The following TRPC4 variants were observed in gnomAD, a reference collection of about 807,000 sequenced individuals.
TRPC4 encodes short transient receptor potential channel 4.
In TRPC4, 49 loss-of-function variants were observed where a neutral mutation model predicts 99.4. The observed-to-expected ratio is 0.49, with a 90% CI of 0.39 to 0.63. TRPC4 has a LOEUF of 0.63. Among genes scored for constraint, TRPC4 ranks in the 20% least tolerant of loss-of-function variants. The pLI, the probability that TRPC4 is intolerant of heterozygous loss-of-function variation, is 0.00. For synonymous variants in TRPC4, 454 were observed against 425.9 expected, an observed-to-expected ratio of 1.07 and a Z score of -0.81; for missense variants, 898 against 1,152.9, an observed-to-expected ratio of 0.78 and a Z score of 3.20.
chr13:37,679,967 C>T (rs114245998), intron 4 of TRPC4, among the ~76,000 whole-genome samples: 389 of 152,228 alleles, frequency 2.6e-3, no homozygotes, highest in African/African-American at 9.1e-3. Context: ...GCTACAGACG[C>T]AGAATTCAAT....
At chr13:37,801,082 A>G (rs1023701444) in intron 1 of TRPC4, among the ~76,000 whole-genome samples, 2 of 152,164 alleles carry the variant, frequency 1.3e-5, no homozygotes, top group African/African-American at 4.8e-5. Context: ...ATGAATATTT[A>G]TCAAAGCATG....
At chr13:37,784,508 T>C (rs1956922931) in intron 1 of TRPC4, among the ~76,000 whole-genome samples, 1 of 152,096 alleles carries the variant, frequency 6.6e-6, no homozygotes, top group South Asian at 2.1e-4. Context: ...TTAGTTCCTC[T>C]TGCATACTTA....
At chr13:37,644,608 C>T (rs1424503999) in intron 8 of TRPC4, among the ~76,000 whole-genome samples, 2 of 151,962 alleles carry the variant, frequency 1.3e-5, no homozygotes, top group East Asian at 1.9e-4. Context: ...CGGTGGTTCA[C>T]GCCTGTAATT....
chr13:37,766,763 C>T (rs1430755948), intron 2 of TRPC4, among the ~76,000 whole-genome samples: 3 of 151,312 alleles, frequency 2.0e-5, no homozygotes, highest in Non-Finnish European at 4.4e-5. Context: ...AGCCACATGG[C>T]CTTGACCACA....
intron 2 of TRPC4, among the ~76,000 whole-genome samples, chr13:37,764,996 G>A (rs1478820413): frequency 1.3e-5 from 2 of 150,452 alleles, no homozygotes; most frequent in Admixed American, 6.7e-5. Context: ...TTGATGGTAA[G>A]GCATATTTAT....
chr13:37,724,947 A>G (rs1954995388), intron 3 of TRPC4, among the ~76,000 whole-genome samples: 1 of 152,224 alleles, frequency 6.6e-6, no homozygotes, highest in Admixed American at 6.5e-5. Context: ...GAAATACTTG[A>G]TAACAAAGAC....
chr13:37,695,846 T>C (rs1368239346), intron 3 of TRPC4, among the ~76,000 whole-genome samples: 2 of 152,122 alleles, frequency 1.3e-5, no homozygotes, highest in South Asian at 2.1e-4. Flanking sequence ...GTATCAATGA[T>C]TTAAAATTAA....
intron 5 of TRPC4, among the ~76,000 whole-genome samples, chr13:37,666,219 G>A (rs994866835): frequency 2.0e-5 from 3 of 152,100 alleles, no homozygotes; most frequent in Non-Finnish European, 4.4e-5. Flanking sequence ...TTCTCCAGGG[G>A]AAAGACAGGC....
At chr13:37,686,234 A>G (rs765642551) in intron 4 of TRPC4, among the ~76,000 whole-genome samples, 1 of 152,088 alleles carries the variant, frequency 6.6e-6, no homozygotes, top group Non-Finnish European at 1.5e-5. Context: ...ACAAAAGATG[A>G]AAAAATGGTC....
chr13:37,682,596 T>C (rs1222136940), intron 4 of TRPC4, among the ~76,000 whole-genome samples: 1 of 152,128 alleles, frequency 6.6e-6, no homozygotes, highest in Non-Finnish European at 1.5e-5. Flanking sequence ...AGCCAAACTT[T>C]TCCTTCCAGG....
intron 7 of TRPC4, among the ~76,000 whole-genome samples, chr13:37,654,659 G>A (rs1952163324): frequency 6.6e-6 from 1 of 152,212 alleles, no homozygotes; most frequent in Admixed American, 6.5e-5. Context: ...AAAATCCTGT[G>A]GCTTCTCCCC....
chr13:37,765,785 G>T (rs2139264241), intron 2 of TRPC4, among the ~76,000 whole-genome samples: 1 of 151,398 alleles, frequency 6.6e-6, no homozygotes, highest in Non-Finnish European at 1.5e-5. Context: ...ATTGTCTTTT[G>T]CTGATTTATT....
intron 5 of TRPC4, among the ~76,000 whole-genome samples, chr13:37,664,703 T>C (rs774690081): frequency 2.6e-5 from 4 of 152,248 alleles, no homozygotes; most frequent in Non-Finnish European, 5.9e-5. Context: ...AAAATATATC[T>C]AGACAACCAA....
At chr13:37,663,855 T>C (rs1392653257) in intron 5 of TRPC4, 126 bp from the exon 6 acceptor site, 2 of 800,506 alleles carry the variant, frequency 2.5e-6, no homozygotes, top group African/African-American at 3.5e-5. Flanking sequence ...TTTTCGATTT[T>C]TGAACACACT....
chr13:37,747,185 C>G (rs924577512), intron 2 of TRPC4, among the ~76,000 whole-genome samples: 3 of 152,112 alleles, frequency 2.0e-5, no homozygotes, highest in Non-Finnish European at 4.4e-5. Context: ...GGGTTATACT[C>G]TAGGGATGGT....
intron 4 of TRPC4, among the ~76,000 whole-genome samples, chr13:37,682,567 A>G (rs1241080024): frequency 1.3e-5 from 2 of 152,170 alleles, no homozygotes; most frequent in Non-Finnish European, 2.9e-5. Context: ...TGTTCTGAAA[A>G]GAGTTTACAG....
intron 4 of TRPC4, among the ~76,000 whole-genome samples, chr13:37,678,271 C>G (rs946887806): frequency 5.3e-5 from 8 of 151,592 alleles, no homozygotes; most frequent in African/African-American, 1.7e-4. Context: ...ACAAAGGTAA[C>G]AAAAATCAAT....
At chr13:37,654,989 A>G in intron 7 of TRPC4, 99 bp downstream of exon 7, 1 of 974,208 alleles carries the variant, frequency 1.0e-6, no homozygotes, top group Non-Finnish European at 1.4e-6. Context: ...ATCAATAGCT[A>G]ATTATAGATT....
At chr13:37,672,235 T>C (rs1257774745) in intron 5 of TRPC4, among the ~76,000 whole-genome samples, 1 of 152,206 alleles carries the variant, frequency 6.6e-6, no homozygotes, top group African/African-American at 2.4e-5. Context: ...AAAATACATG[T>C]ACTATACATA....
Sources: allele counts gnomAD v4.1 joint callset (sites outside exome capture counted in the v4.1 genomes callset), GRCh38; gene constraint gnomAD v4.1.1; transcripts MANE v1.5; gene names NCBI Gene and HGNC (gene_info 2026-07-23, HGNC 2026-07-21).